Variants in COL8A1 observed in about 807,000 individuals in gnomAD.
COL8A1 encodes collagen alpha-1(VIII) chain.
Under a neutral mutation model 42.7 loss-of-function variants are expected in COL8A1, and 21 were observed. The observed-to-expected ratio is 0.49, with a 90% CI of 0.35 to 0.71. The LOEUF (loss-of-function observed/expected upper bound fraction) is 0.71. Among genes scored for constraint, COL8A1 ranks in the 30% least tolerant of loss-of-function variants. The pLI is 0.01. For missense variants in COL8A1, 788 were observed against 962.4 expected (o/e 0.82, Z 2.40); for synonymous variants, 367 against 369.1 (o/e 0.99, Z 0.06).
intron 1 of COL8A1, among the ~76,000 whole-genome samples, chr3:99,717,863 G>A (rs777492882): frequency 6.6e-6 from 1 of 151,966 alleles, no homozygotes; most frequent in Non-Finnish European, 1.5e-5. Context: ...GGCTCATCCA[G>A]CTCTAAATAT....
intron 2 of COL8A1, among the ~76,000 whole-genome samples, chr3:99,759,501 T>A (rs903499617): frequency 6.6e-6 from 1 of 152,156 alleles, no homozygotes; most frequent in Non-Finnish European, 1.5e-5. Context: ...GGCTAAAATA[T>A]CTGGGTAGAT....
intron 2 of COL8A1, among the ~76,000 whole-genome samples, chr3:99,786,762 AGTGTTCAATAG>A (rs202174994): frequency 0.013 from 1,908 of 152,264 alleles, 41 homozygotes; most frequent in African/African-American, 0.043. Flanking sequence ...TCCTGTTCTG[AGTGTTCAATAG>A]GTGTTCAATA....
At chr3:99,772,336 A>G (rs967379378) in intron 2 of COL8A1, among the ~76,000 whole-genome samples, 2 of 152,234 alleles carry the variant, frequency 1.3e-5, no homozygotes, top group Non-Finnish European at 2.9e-5. Flanking sequence ...AAGAACAGGC[A>G]GAGCACAAAG....
At chr3:99,781,394 TC>T (rs1008825491) in intron 2 of COL8A1, among the ~76,000 whole-genome samples, 6 of 152,180 alleles carry the variant, frequency 3.9e-5, no homozygotes, top group Non-Finnish European at 7.3e-5. Context: ...TTTAATATTC[TC>T]CCCATGTAAG....
intron 1 of COL8A1, among the ~76,000 whole-genome samples, chr3:99,652,105 C>T (rs1413737014): frequency 6.6e-6 from 1 of 152,118 alleles, no homozygotes; most frequent in African/African-American, 2.4e-5. Flanking sequence ...GTTTAAATCA[C>T]ATTTGAATAC....
chr3:99,769,876 G>A lies in COL8A1; in HGVS notation c.-3-20804G>A, dbSNP rs887021129. Reference sequence around the variant, plus strand: ...GGAGGTTGCAGTGAGCTGAAATGGCGCCATTGCACTCCAGCCTGGGCAACA... The same window carrying A: ...GGAGGTTGCAGTGAGCTGAAATGGCACCATTGCACTCCAGCCTGGGCAACA... On this transcript the variant is annotated intron_variant, in intron 2 of 3. Coordinates refer to ENST00000652472, the MANE Select transcript of COL8A1 (RefSeq NM_020351.4). Among the ~76,000 whole-genome samples the A allele has an allele frequency of 3.9e-5, 6 of 152,176 alleles. No individual in the cohort carries two copies. In the South Asian group the frequency reaches 8.3e-4, roughly 21 times the overall value.
chr3:99,741,935 A>T (rs1257387814), intron 1 of COL8A1, among the ~76,000 whole-genome samples: 1 of 152,192 alleles, frequency 6.6e-6, no homozygotes, highest in Non-Finnish European at 1.5e-5. Context: ...TTTTTTAAGG[A>T]ATAAAGCAAA....
chr3:99,666,891 G>A (rs1938383706), intron 1 of COL8A1, among the ~76,000 whole-genome samples: 1 of 152,050 alleles, frequency 6.6e-6, no homozygotes, highest in Non-Finnish European at 1.5e-5. Flanking sequence ...TTAACCTCTA[G>A]TCTTTATTTT....
intron 1 of COL8A1, among the ~76,000 whole-genome samples, chr3:99,682,083 C>T (rs1447152653): frequency 1.3e-5 from 2 of 152,134 alleles, no homozygotes; most frequent in Non-Finnish European, 2.9e-5. Context: ...GCCTTTTATA[C>T]AAATCCGAAG....
chr3:99,651,084 T>C (rs534613366), intron 1 of COL8A1, among the ~76,000 whole-genome samples: 12 of 152,330 alleles, frequency 7.9e-5, no homozygotes, highest in Admixed American at 6.5e-5. Flanking sequence ...CTCCTTTTTT[T>C]CCTTTATTTT....
chr3:99,786,519 C>G (rs139880767), intron 2 of COL8A1, among the ~76,000 whole-genome samples: 25 of 152,270 alleles, frequency 1.6e-4, no homozygotes, highest in African/African-American at 5.1e-4. Flanking sequence ...ACTTCCCAGC[C>G]TCATGAACAC....
At chr3:99,764,091 G>A (rs1157413691) in intron 2 of COL8A1, among the ~76,000 whole-genome samples, 1 of 152,170 alleles carries the variant, frequency 6.6e-6, no homozygotes, top group African/African-American at 2.4e-5. Flanking sequence ...CTCAGGCCCA[G>A]TGACTATCAC....
Position 99,794,328 on chromosome 3 carries a change from C to A in COL8A1, c.427C>A (p.Pro143Thr). ...GPPGLPGHGIPGIKGKPGPQG... is the reference protein window; with the variant it reads ...GPPGLPGHGITGIKGKPGPQG... ...CCCTGGTTTGCCAGGTCATGGGATA[C>A]CTGGAATTAAAGGAAAACCAGGGCC... The change falls in exon 4 of 4, where the codon CCT becomes ACT. Residue 143 changes from proline to threonine, a missense_variant. Physicochemically the swap from Pro to Thr is conservative, Grantham distance 38. Coordinates refer to ENST00000652472, the MANE Select transcript of COL8A1 (RefSeq NM_020351.4). The surrounding 1 kb of genome is among the most constrained non-coding windows in gnomAD (Gnocchi z 4.3). 1 of 1,613,690 alleles carries A rather than the reference C, an allele frequency of 6.2e-7. No homozygotes were observed. Among genetic ancestry groups the A allele is most frequent in the Non-Finnish European group, 8.5e-7 (1 of 1,179,878 alleles).
At chr3:99,683,673 G>A (rs1205801936) in intron 1 of COL8A1, among the ~76,000 whole-genome samples, 1 of 151,906 alleles carries the variant, frequency 6.6e-6, no homozygotes, top group Non-Finnish European at 1.5e-5. Flanking sequence ...ATTTCTTCCA[G>A]CCTGAGCTTC....
At chr3:99,769,664 T>C (rs2107436550) in intron 2 of COL8A1, among the ~76,000 whole-genome samples, 1 of 152,336 alleles carries the variant, frequency 6.6e-6, no homozygotes, top group South Asian at 2.1e-4. Context: ...CTCACGCCTG[T>C]AATCCCAGCA....
chr3:99,787,959 C>T (rs115856921), intron 2 of COL8A1, among the ~76,000 whole-genome samples: 1,869 of 152,220 alleles, frequency 0.012, 20 homozygotes, highest in African/African-American at 0.028. Context: ...ATTATTGTGT[C>T]CCACATTCTC....
chr3:99,795,806 T>C lies in COL8A1; in HGVS notation c.1905T>C (p.Phe635=). ...CACCGGTGGGGGCCCCAGTGAAGTT[T>C]AACAAACTGCTGTATAACGGCAGAC... ...PFPPVGAPVK[F]NKLLYNGRQN... Residue 635 remains phenylalanine (F), a synonymous_variant, in exon 4 of 4, where the codon TTT becomes TTC. Coordinates refer to ENST00000652472, the MANE Select transcript of COL8A1 (RefSeq NM_020351.4). 2 of 1,614,036 alleles carry C rather than the reference T, an allele frequency of 1.2e-6. No homozygotes were observed. Among genetic ancestry groups the C allele is most frequent in the South Asian group, 1.1e-5 (1 of 91,066 alleles).
intron 1 of COL8A1, among the ~76,000 whole-genome samples, chr3:99,734,168 T>A (rs1940622281): frequency 6.7e-6 from 1 of 149,884 alleles, no homozygotes; most frequent in Admixed American, 6.6e-5. Flanking sequence ...ATCCCATTTG[T>A]CAATTTTGTC....
chr3:99,786,069 T>C (rs1330340517), intron 2 of COL8A1, among the ~76,000 whole-genome samples: 6 of 151,772 alleles, frequency 4.0e-5, no homozygotes, highest in Non-Finnish European at 8.8e-5. Context: ...ACTAACATTG[T>C]AGTAAACAGG....
Sources: allele counts gnomAD v4.1 joint callset (sites outside exome capture counted in the v4.1 genomes callset), GRCh38; gene constraint gnomAD v4.1.1; non-coding constraint Gnocchi (gnomAD v3.1); transcripts MANE v1.5; gene names NCBI Gene and HGNC (gene_info 2026-07-23, HGNC 2026-07-21).